Variants in ABCA4 observed in about 807,000 individuals in gnomAD.
The protein encoded by ABCA4 is retinal-specific phospholipid-transporting ATPase ABCA4.
In ABCA4, 196 loss-of-function variants were observed where a neutral mutation model predicts 263.7. The ratio of observed to expected loss-of-function variants is 0.74; its 90% CI spans 0.66 to 0.84. ABCA4 has a LOEUF of 0.84. Ranked by LOEUF, ABCA4 falls within the 40% of genes least tolerant of loss-of-function variation. ABCA4 has a pLI of 0.00. For synonymous variants in ABCA4, 1,133 were observed against 1,094.2 expected, an observed-to-expected ratio of 1.04 and a Z score of -0.70; for missense variants, 2,792 against 2,855.1, an observed-to-expected ratio of 0.98 and a Z score of 0.50.
At chr1:94,097,826 T>A (rs1662168094) in intron 6 of ABCA4, among the ~76,000 whole-genome samples, 1 of 152,218 alleles carries the variant, frequency 6.6e-6, no homozygotes. Flanking sequence ...CTCGGCTCAC[T>A]GCAAGCTCCG....
At chr1:94,120,879 C>T (rs1662927688) in intron 1 of ABCA4, 101 bp downstream of exon 1, 1 of 641,824 alleles carries the variant, frequency 1.6e-6, no homozygotes, top group East Asian at 3.0e-5. Flanking sequence ...CTCACAACCC[C>T]CCACCCTGCC....
intron 6 of ABCA4, among the ~76,000 whole-genome samples, chr1:94,088,733 T>G (rs1342970272): frequency 6.6e-6 from 1 of 152,166 alleles, no homozygotes. Flanking sequence ...AAGGGACATC[T>G]GAAAGGCTAC....
intron 48 of ABCA4, 149 bp from the exon 49 acceptor site, chr1:93,996,344 T>C: frequency 2.8e-6 from 2 of 705,562 alleles, no homozygotes; most frequent in Non-Finnish European, 5.0e-6. Context: ...GCTGGCCCAC[T>C]CACAGAAGCC....
In ABCA4 at chr1:94,108,567, T is replaced by C; in HGVS notation, c.442+10A>G. 1 of 1,613,266 alleles carries C rather than the reference T, an allele frequency of 6.2e-7. No homozygotes were observed. The highest frequency in any genetic ancestry group is 8.5e-7 in the Non-Finnish European group (1 of 1,179,840). On this transcript the variant is annotated intron_variant, in intron 4 of 49. Transcript: ENST00000370225. ...GAAATGATGCTTGAGAGCACTGCAG[T>C]CATGCTTACCTGCAATTCTCTCCGG...
At chr1:94,041,147 C>T in intron 23 of ABCA4, 62 bp downstream of exon 23, 2 of 1,566,240 alleles carry the variant, frequency 1.3e-6, no homozygotes, top group Non-Finnish European at 1.8e-6. Flanking sequence ...TCTGGAGTGG[C>T]AGCCCCGTGC....
At chr1:94,106,211 C>T (rs914142701) in intron 4 of ABCA4, among the ~76,000 whole-genome samples, 7 of 152,190 alleles carry the variant, frequency 4.6e-5, no homozygotes, top group African/African-American at 9.7e-5. Flanking sequence ...TCTCACAGCC[C>T]GAAGCCTGCA....
intron 13 of ABCA4, among the ~76,000 whole-genome samples, chr1:94,062,173 G>A (rs770182554): frequency 6.6e-6 from 1 of 152,098 alleles, no homozygotes; most frequent in Non-Finnish European, 1.5e-5. Flanking sequence ...GGGCTCCCAG[G>A]AACCAGACCT....
intron 44 of ABCA4, among the ~76,000 whole-genome samples, chr1:94,002,729 C>T (rs1297999711): frequency 7.2e-5 from 11 of 152,148 alleles, no homozygotes; most frequent in Admixed American, 6.5e-4. Flanking sequence ...CATTCAGGTT[C>T]TCTCCTCTGC....
At chr1:94,102,875 C>T in intron 5 of ABCA4, 140 bp downstream of exon 5, 1 of 1,222,656 alleles carries the variant, frequency 8.2e-7, no homozygotes, top group Admixed American at 2.1e-5. Flanking sequence ...CGGTTTTTTT[C>T]TAAATACAAG....
intron 31 of ABCA4, 26 bp downstream of exon 31, chr1:94,024,928 A>G: frequency 6.3e-7 from 1 of 1,580,488 alleles, no homozygotes; most frequent in African/African-American, 1.3e-5. Flanking sequence ...AGCCAGGATA[A>G]AAAGCATAAA....
intron 26 of ABCA4, among the ~76,000 whole-genome samples, chr1:94,035,887 G>C (rs1293451428): frequency 6.6e-6 from 1 of 152,210 alleles, no homozygotes; most frequent in Admixed American, 6.5e-5. Flanking sequence ...AAAGTTCATG[G>C]AAGGAGCTAG....
intron 11 of ABCA4, among the ~76,000 whole-genome samples, chr1:94,065,834 C>G (rs933418694): frequency 2.0e-5 from 3 of 152,182 alleles, no homozygotes; most frequent in African/African-American, 7.2e-5. Context: ...GCTTCAGTGA[C>G]ACCATGCTAA....
At chr1:94,093,520 G>T (rs1219886203) in intron 6 of ABCA4, among the ~76,000 whole-genome samples, 9 of 152,240 alleles carry the variant, frequency 5.9e-5, no homozygotes, top group Non-Finnish European at 1.3e-4. Context: ...TAGGCGCCTA[G>T]TGCGTATTTA....
chr1:94,087,407 G>T (rs1661860234), intron 6 of ABCA4, among the ~76,000 whole-genome samples: 1 of 152,172 alleles, frequency 6.6e-6, no homozygotes, highest in South Asian at 2.1e-4. Context: ...AAGTCATAAT[G>T]CCTGGCCCAG....
chr1:94,046,108 G>A (rs1660665574), intron 19 of ABCA4: 2 of 365,126 alleles, frequency 5.5e-6, no homozygotes, highest in African/African-American at 2.1e-5. Context: ...TGATGTTGAA[G>A]CCTGCCTAAT....
chr1:94,091,255 C>T (rs1424228614), intron 6 of ABCA4, among the ~76,000 whole-genome samples: 2 of 152,178 alleles, frequency 1.3e-5, no homozygotes, highest in African/African-American at 4.8e-5. Context: ...GCTACAGCTA[C>T]AATTTCCTTC....
chr1:94,046,870 G>A, intron 19 of ABCA4, 49 bp downstream of exon 19: 1 of 1,602,800 alleles, frequency 6.2e-7, no homozygotes, highest in Non-Finnish European at 8.5e-7. Flanking sequence ...GACTAAGCCA[G>A]GAAATGACAG....
intron 30 of ABCA4, among the ~76,000 whole-genome samples, chr1:94,028,930 A>AAC (rs35998587): frequency 0.087 from 9,332 of 107,766 alleles, 710 homozygotes; most frequent in Middle Eastern, 0.12. Flanking sequence ...AAAAAAAAAA[A>AAC]GAAATTCAAA....
At chr1:94,099,434 A>C (rs1662229215) in intron 5 of ABCA4, among the ~76,000 whole-genome samples, 1 of 152,226 alleles carries the variant, frequency 6.6e-6, no homozygotes, top group African/African-American at 2.4e-5. Flanking sequence ...AAGATAATGC[A>C]TCTGTGTTGT....
Sources: allele counts gnomAD v4.1 joint callset (sites outside exome capture counted in the v4.1 genomes callset), GRCh38; gene constraint gnomAD v4.1.1; transcripts MANE v1.5; gene names NCBI Gene and HGNC (gene_info 2026-07-23, HGNC 2026-07-21).